The following MICU2 variants were observed in gnomAD, a reference collection of about 807,000 sequenced individuals.
The protein encoded by MICU2 is calcium uptake protein 2, mitochondrial.
Under a neutral mutation model 60.4 loss-of-function variants are expected in MICU2, and 64 were observed. That is an observed-to-expected ratio of 1.06 (90% CI 0.87 to 1.31). The LOEUF is 1.31. Ranked by LOEUF, MICU2 falls within the 50% of genes most tolerant of loss-of-function variation. MICU2 has a pLI of 0.00. For synonymous variants in MICU2, 201 were observed against 175.0 expected (o/e 1.15, Z -1.17); for missense variants, 569 against 531.0 (o/e 1.07, Z -0.70).
chr13:21,513,518 A>C (rs1886484011), intron 7 of MICU2, among the ~76,000 whole-genome samples: 1 of 152,016 alleles, frequency 6.6e-6, no homozygotes, highest in African/African-American at 2.4e-5. Context: ...CGGGCGGATC[A>C]CCTGAGGTCA....
At chr13:21,493,931 G>A (rs1224260205) in intron 11 of MICU2, among the ~76,000 whole-genome samples, 4 of 152,074 alleles carry the variant, frequency 2.6e-5, no homozygotes, top group Admixed American at 1.3e-4. Context: ...ATTTGGATCC[G>A]GGGGACCACA....
chr13:21,493,231 A>G lies in MICU2; in HGVS notation c.*18T>C. The G allele has an allele frequency of 6.7e-7, 1 of 1,498,562 alleles. No homozygotes were observed. 92.8% of individuals were successfully genotyped at this position (1,498,562 alleles called of 1,614,324 possible). A position where few individuals can be genotyped will look rare whatever the true frequency, so the allele number is the denominator to read the frequency against. On this transcript the variant is annotated 3_prime_UTR_variant, in exon 12 of 12. Coordinates refer to ENST00000382374, the MANE Select transcript of MICU2 (RefSeq NM_152726.3). Reference sequence around the variant, plus strand: ...TGACATTTGGAACAATATAATTGCCATACTATTATATCTTTTATTAAAAAA... The same window carrying G: ...TGACATTTGGAACAATATAATTGCCGTACTATTATATCTTTTATTAAAAAA...
At chr13:21,591,572 A>G (rs1888584888) in intron 1 of MICU2, among the ~76,000 whole-genome samples, 1 of 151,622 alleles carries the variant, frequency 6.6e-6, no homozygotes, top group Non-Finnish European at 1.5e-5. Context: ...AACAGAATAT[A>G]CATTCTTCTT....
intron 2 of MICU2, 63 bp from the exon 3 acceptor site, chr13:21,539,751 A>C (rs1887236555): frequency 7.0e-7 from 1 of 1,426,420 alleles, no homozygotes; most frequent in African/African-American, 1.4e-5. Flanking sequence ...ACTTGCACTA[A>C]GAAAGAAAAT....
chr13:21,572,653 A>G (rs1888138251), intron 1 of MICU2, among the ~76,000 whole-genome samples: 1 of 152,216 alleles, frequency 6.6e-6, no homozygotes, highest in Non-Finnish European at 1.5e-5. Flanking sequence ...TCTGTGGGGT[A>G]GCCCTTCCCA....
Position 21,510,006 on chromosome 13 carries a change from T to A in MICU2, c.759A>T (p.Arg253=), listed in dbSNP as rs374198948. Residue 253 remains arginine (R), a splice_region_variant and synonymous_variant, in exon 8 of 12, where the codon CGA becomes CGT. Transcript: ENST00000382374. The part of the protein sequence containing the change: ...GQRKLHYKEF[R]RFMENLQTEI... ...TGAATGTAAATATTTGCATTTACCT[T>A]CGAAATTCTTTATAATGAAGTTTTC... The A allele has an allele frequency of 1.1e-5, 17 of 1,522,410 alleles. No individual in the cohort carries two copies. Among genetic ancestry groups the A allele is most frequent in the Non-Finnish European group, 1.4e-5 (16 of 1,135,926 alleles). 94.3% of individuals were successfully genotyped at this position (1,522,410 alleles called of 1,614,324 possible).
chr13:21,591,815 T>C (rs577138611), intron 1 of MICU2, among the ~76,000 whole-genome samples: 5 of 152,196 alleles, frequency 3.3e-5, no homozygotes, highest in African/African-American at 1.2e-4. Flanking sequence ...AACAAGTTCT[T>C]TGAAACCAAT....
At chr13:21,511,330 T>G (rs1014778784) in intron 7 of MICU2, among the ~76,000 whole-genome samples, 1 of 151,954 alleles carries the variant, frequency 6.6e-6, no homozygotes, top group African/African-American at 2.4e-5. Flanking sequence ...AGCATGGGCA[T>G]GAGGAAAATG....
At chr13:21,524,415 A>G (rs1339556046) in intron 4 of MICU2, among the ~76,000 whole-genome samples, 2 of 152,144 alleles carry the variant, frequency 1.3e-5, no homozygotes, top group East Asian at 3.8e-4. Flanking sequence ...TTCAGCCTGT[A>G]TATCTAAAAA....
Position 21,493,112 on chromosome 13 carries a change from C to G in MICU2, c.*137G>C. 2 of 460,030 alleles carry G rather than the reference C, an allele frequency of 4.3e-6. No homozygotes were observed. Among genetic ancestry groups the G allele is most frequent in the Non-Finnish European group, 7.4e-6 (2 of 269,550 alleles). The allele number at this position is 460,030 out of a possible 1,614,324, so 28.5% of individuals were successfully genotyped here. On this transcript the variant is annotated 3_prime_UTR_variant, in exon 12 of 12. Transcript: ENST00000382374. ...TAAGTTCTTTAATAAAATTATGAAT[C>G]AGAAAGCAAGTACAAGACATGCTTA...
At chr13:21,563,786 C>T (rs1021042556) in intron 2 of MICU2, among the ~76,000 whole-genome samples, 2 of 149,450 alleles carry the variant, frequency 1.3e-5, no homozygotes, top group African/African-American at 4.9e-5. Context: ...CAGCCAGGTC[C>T]GTTACACTGA....
chr13:21,531,674 G>A (rs530935602), intron 4 of MICU2, among the ~76,000 whole-genome samples: 2 of 152,328 alleles, frequency 1.3e-5, no homozygotes, highest in African/African-American at 4.8e-5. Context: ...TCATTTGTAT[G>A]TAATGGATAT....
chr13:21,571,642 G>A (rs1888112613), intron 1 of MICU2, among the ~76,000 whole-genome samples: 1 of 152,244 alleles, frequency 6.6e-6, no homozygotes, highest in African/African-American at 2.4e-5. Flanking sequence ...AGCTTGCAGT[G>A]AGCCAAGATC....
chr13:21,514,039 T>C (rs1186217602), intron 7 of MICU2, among the ~76,000 whole-genome samples: 4 of 152,150 alleles, frequency 2.6e-5, no homozygotes, highest in African/African-American at 9.6e-5. Flanking sequence ...ATATAGCACA[T>C]ATATTTAAAA....
chr13:21,522,570 C>T (rs1236568969), intron 5 of MICU2, 33 bp downstream of exon 5: 7 of 1,542,092 alleles, frequency 4.5e-6, no homozygotes, highest in Non-Finnish European at 5.3e-6. Flanking sequence ...GAGAATTCCA[C>T]ATGATCTCTG....
chr13:21,501,906 T>A (rs972552348), intron 9 of MICU2, among the ~76,000 whole-genome samples: 1 of 152,158 alleles, frequency 6.6e-6, no homozygotes, highest in Non-Finnish European at 1.5e-5. Flanking sequence ...CAGAGACTCC[T>A]ATCAGCCCAC....
chr13:21,587,625 T>C (rs950601390), intron 1 of MICU2, among the ~76,000 whole-genome samples: 1 of 152,220 alleles, frequency 6.6e-6, no homozygotes, highest in African/African-American at 2.4e-5. Flanking sequence ...GAATGGATTA[T>C]AGATCGGAGG....
chr13:21,563,628 C>T (rs140061095), intron 2 of MICU2, among the ~76,000 whole-genome samples: 257 of 151,986 alleles, frequency 1.7e-3, no homozygotes, highest in Non-Finnish European at 2.4e-3. Context: ...TCTTTTTTTC[C>T]TGGTGTTCCT....
At chr13:21,533,250 A>G (rs1887046732) in intron 4 of MICU2, among the ~76,000 whole-genome samples, 1 of 152,100 alleles carries the variant, frequency 6.6e-6, no homozygotes, top group African/African-American at 2.4e-5. Flanking sequence ...ACTAATTTTA[A>G]TAATTATCTT....
Sources: allele counts gnomAD v4.1 joint callset (sites outside exome capture counted in the v4.1 genomes callset), GRCh38; gene constraint gnomAD v4.1.1; transcripts MANE v1.5; gene names NCBI Gene and HGNC (gene_info 2026-07-23, HGNC 2026-07-21).